CSMD3: variants seen among roughly 807,000 people sequenced by gnomAD.
The protein encoded by CSMD3 is CUB and sushi domain-containing protein 3.
CSMD3 carries 177 observed loss-of-function variants against 435.2 expected under a neutral mutation model. That is an observed-to-expected ratio of 0.41 (90% CI 0.36 to 0.46). The LOEUF (loss-of-function observed/expected upper bound fraction) is 0.46. Among genes scored for constraint, CSMD3 ranks in the 20% least tolerant of loss-of-function variants. CSMD3 has a pLI of 0.34. For missense variants in CSMD3, 4,265 were observed against 4,504.6 expected (o/e 0.95, Z 1.52); for synonymous variants, 1,656 against 1,520.5 (o/e 1.09, Z -2.07).
Position 112,455,629 on chromosome 8 carries a change from A to AAATC in CSMD3, c.5395+16958_5395+16961dup, listed in dbSNP as rs1428658728. On this transcript the variant is annotated intron_variant, in intron 32 of 70. Transcript: ENST00000297405. ...TAAATAAATAAATAAATAAATAAAT[A>AAATC]AATCAAAGCATAATCAATGCCTAAG... Among the ~76,000 whole-genome samples, 102 of 109,634 alleles carry AAATC rather than the reference A, an allele frequency of 9.3e-4. 1 individual carries two copies. Among genetic ancestry groups the AAATC allele is most frequent in the East Asian group, 7.9e-4 (3 of 3,808 alleles). The allele number at this position is 109,634 out of a possible 152,430, so 71.9% of individuals were successfully genotyped here. A position where few individuals can be genotyped will look rare whatever the true frequency, so the allele number is the denominator to read the frequency against.
chr8:112,618,766 G>A (rs1833845215), intron 22 of CSMD3, among the ~76,000 whole-genome samples: 1 of 152,048 alleles, frequency 6.6e-6, no homozygotes, highest in Non-Finnish European at 1.5e-5. Context: ...GTATCATAGA[G>A]AGGAGGGCTA....
chr8:113,301,655 T>C (rs4460403), intron 2 of CSMD3, among the ~76,000 whole-genome samples: 141,660 of 151,986 alleles, frequency 0.93, 66,112 homozygotes, highest in East Asian at 1. Context: ...TCTAAAAATA[T>C]CATTTAAAAA....
chr8:113,253,933 C>T (rs181573351), intron 3 of CSMD3, among the ~76,000 whole-genome samples: 1 of 152,194 alleles, frequency 6.6e-6, no homozygotes, highest in African/African-American at 2.4e-5. Flanking sequence ...CATGTAGTTA[C>T]AAGATTTTTC....
intron 23 of CSMD3, among the ~76,000 whole-genome samples, chr8:112,575,101 T>C (rs1404546770): frequency 6.6e-6 from 1 of 152,050 alleles, no homozygotes; most frequent in Non-Finnish European, 1.5e-5. Flanking sequence ...ATATGATCTA[T>C]AAATAAAAAC....
intron 3 of CSMD3, among the ~76,000 whole-genome samples, chr8:113,206,866 C>A (rs1402720743): frequency 6.6e-6 from 1 of 152,122 alleles, no homozygotes; most frequent in Non-Finnish European, 1.5e-5. Context: ...ACATTTAGTA[C>A]AATTCTTGTA....
rs1161864513 is a variant in CSMD3 at position 113,327,194 on chromosome 8, G to T, written c.179-12401C>A. Among the ~76,000 whole-genome samples, 10 of 152,100 alleles carry T rather than the reference G, an allele frequency of 6.6e-5. No homozygotes were observed. In the East Asian group the frequency reaches 1.9e-3, roughly 29 times the overall value. ...GGCAGCTGACATCCTGCTGTTATGA[G>T]GGCTATATTAATTACACTTTCTCAT... On this transcript the variant is annotated intron_variant, in intron 1 of 70. Transcript: ENST00000297405.
intron 12 of CSMD3, among the ~76,000 whole-genome samples, chr8:112,820,376 TA>T (rs2079495428): frequency 6.6e-6 from 1 of 152,116 alleles, no homozygotes; most frequent in South Asian, 2.1e-4. Context: ...TTAAAATACA[TA>T]GAGGTTTTCC....
At chr8:112,526,855 G>T (rs903113391) in intron 27 of CSMD3, among the ~76,000 whole-genome samples, 4 of 151,836 alleles carry the variant, frequency 2.6e-5, no homozygotes, top group Non-Finnish European at 2.9e-5. Flanking sequence ...CTATTAGAGG[G>T]TTCTTACATT....
intron 4 of CSMD3, among the ~76,000 whole-genome samples, chr8:113,153,109 G>GAAAGA (rs1388404864): frequency 9.0e-5 from 9 of 99,602 alleles, no homozygotes; most frequent in African/African-American, 2.7e-4. Context: ...AGAAAAGAAA[G>GAAAGA]AAAGAAAGAA....
intron 2 of CSMD3, among the ~76,000 whole-genome samples, chr8:113,297,567 T>C (rs1160660038): frequency 6.6e-6 from 1 of 152,052 alleles, no homozygotes; most frequent in Non-Finnish European, 1.5e-5. Flanking sequence ...TGCTATTTTA[T>C]TTAAACTAGT....
intron 10 of CSMD3, among the ~76,000 whole-genome samples, chr8:112,892,335 TTGAG>T (rs960449084): frequency 4.6e-5 from 7 of 151,476 alleles, no homozygotes; most frequent in Non-Finnish European, 8.9e-5. Context: ...ATTAAAAGCC[TTGAG>T]TTTTAATTCC....
intron 2 of CSMD3, among the ~76,000 whole-genome samples, chr8:113,303,020 T>A (rs2093786425): frequency 1.2e-5 from 1 of 82,304 alleles, no homozygotes; most frequent in Non-Finnish European, 2.3e-5. Context: ...CCCCATCATC[T>A]CAGCCCAAAA....
intron 13 of CSMD3, among the ~76,000 whole-genome samples, chr8:112,711,192 G>C (rs1242226407): frequency 6.6e-6 from 1 of 151,962 alleles, no homozygotes; most frequent in Non-Finnish European, 1.5e-5. Flanking sequence ...AAAGGTGAAA[G>C]GTTTTAAGAA....
At chr8:113,226,243 C>T (rs181652463) in intron 3 of CSMD3, among the ~76,000 whole-genome samples, 9 of 151,570 alleles carry the variant, frequency 5.9e-5, no homozygotes, top group Non-Finnish European at 1.5e-5. Context: ...GTATTTTCCT[C>T]ATAAGAAGGA....
At chr8:113,382,558 A>G (rs1478219828) in intron 1 of CSMD3, among the ~76,000 whole-genome samples, 1 of 152,228 alleles carries the variant, frequency 6.6e-6, no homozygotes, top group Non-Finnish European at 1.5e-5. Context: ...GAACATTAAT[A>G]CCATCTACCA....
chr8:112,226,761 A>G (rs1347418467), intron 70 of CSMD3, among the ~76,000 whole-genome samples: 1 of 152,190 alleles, frequency 6.6e-6, no homozygotes, highest in Non-Finnish European at 1.5e-5. Context: ...TAGGCATTTC[A>G]ACAAAAATGG....
intron 23 of CSMD3, among the ~76,000 whole-genome samples, chr8:112,576,031 G>A (rs986052910): frequency 6.7e-6 from 1 of 149,604 alleles, no homozygotes; most frequent in African/African-American, 2.4e-5. Flanking sequence ...TAATTTAATT[G>A]CTATGAAAAA....
At chr8:113,013,091 T>C (rs936245790) in intron 6 of CSMD3, among the ~76,000 whole-genome samples, 1 of 152,122 alleles carries the variant, frequency 6.6e-6, no homozygotes, top group Non-Finnish European at 1.5e-5. Context: ...AAATTTGCTT[T>C]GATCCTGTGC....
intron 22 of CSMD3, among the ~76,000 whole-genome samples, chr8:112,620,678 G>A (rs570746875): frequency 3.3e-5 from 5 of 152,154 alleles, no homozygotes; most frequent in South Asian, 2.1e-4. Context: ...AAAGAGATAC[G>A]TGATGTCTTG....
Sources: allele counts gnomAD v4.1 joint callset (sites outside exome capture counted in the v4.1 genomes callset), GRCh38; gene constraint gnomAD v4.1.1; transcripts MANE v1.5; gene names NCBI Gene and HGNC (gene_info 2026-07-23, HGNC 2026-07-21).